The following GRM8 variants were observed in gnomAD, a reference collection of about 807,000 sequenced individuals.
GRM8 encodes metabotropic glutamate receptor 8.
In GRM8, 47 loss-of-function variants were observed where a neutral mutation model predicts 87.2. The observed-to-expected ratio is 0.54, with a 90% confidence interval of 0.43 to 0.69. The LOEUF is 0.69. Ranked by LOEUF, GRM8 falls within the 30% of genes least tolerant of loss-of-function variation. The probability of loss-of-function intolerance (pLI) is 0.00; values close to 1 mark genes in which losing one functional copy is unlikely to be tolerated. For synonymous variants in GRM8, 396 were observed against 404.5 expected, an observed-to-expected ratio of 0.98 and a Z score of 0.25; for missense variants, 1,019 against 1,139.2, an observed-to-expected ratio of 0.89 and a Z score of 1.52.
chr7:127,019,338 T>C (rs1187111549), intron 3 of GRM8, among the ~76,000 whole-genome samples: 1 of 152,068 alleles, frequency 6.6e-6, no homozygotes, highest in Non-Finnish European at 1.5e-5. Flanking sequence ...TGTATATGAC[T>C]CAAGACCATC....
At chr7:126,952,590 G>C (rs1808280332) in intron 3 of GRM8, among the ~76,000 whole-genome samples, 1 of 151,940 alleles carries the variant, frequency 6.6e-6, no homozygotes, top group African/African-American at 2.4e-5. Context: ...CCTTAATCAA[G>C]TGGTCATGAT....
chr7:126,698,323 T>C (rs1190486721), intron 7 of GRM8, among the ~76,000 whole-genome samples: 2 of 152,172 alleles, frequency 1.3e-5, no homozygotes, highest in African/African-American at 4.8e-5. Flanking sequence ...AGGATTGGAA[T>C]ATAATAGAAT....
intron 3 of GRM8, among the ~76,000 whole-genome samples, chr7:127,027,049 A>G (rs1161503499): frequency 2.0e-5 from 3 of 152,216 alleles, no homozygotes; most frequent in Admixed American, 6.5e-5. Flanking sequence ...AGCTTTCTAC[A>G]TATGGCTAGC....
chr7:126,794,564 T>C (rs546485915), intron 6 of GRM8, among the ~76,000 whole-genome samples: 11 of 152,162 alleles, frequency 7.2e-5, no homozygotes, highest in Admixed American at 1.3e-4. Context: ...TTCTAATATA[T>C]AAAAATAGTG....
intron 7 of GRM8, among the ~76,000 whole-genome samples, chr7:126,683,379 G>A (rs1242552654): frequency 1.3e-5 from 2 of 152,206 alleles, no homozygotes; most frequent in African/African-American, 4.8e-5. Flanking sequence ...TGAAGCCTCT[G>A]ATATTTCAAG....
At chr7:127,148,262 A>G (rs1347237624) in intron 2 of GRM8, among the ~76,000 whole-genome samples, 1 of 152,030 alleles carries the variant, frequency 6.6e-6, no homozygotes, top group Non-Finnish European at 1.5e-5. Flanking sequence ...TAAGGGATCA[A>G]TTCATCAAGA....
intron 6 of GRM8, among the ~76,000 whole-genome samples, chr7:126,892,589 A>G (rs989593560): frequency 1.3e-5 from 2 of 152,180 alleles, no homozygotes; most frequent in African/African-American, 2.4e-5. Context: ...TAGTGCCTCA[A>G]TAAACATACA....
At chr7:126,751,238 T>A (rs1816376013) in intron 7 of GRM8, among the ~76,000 whole-genome samples, 1 of 151,998 alleles carries the variant, frequency 6.6e-6, no homozygotes, top group Non-Finnish European at 1.5e-5. Flanking sequence ...TTACTTAACA[T>A]CAATAGTCAA....
chr7:126,508,939 T>C (rs1810906669), intron 9 of GRM8, among the ~76,000 whole-genome samples: 3 of 152,188 alleles, frequency 2.0e-5, no homozygotes, highest in Non-Finnish European at 2.9e-5. Context: ...AACGTAATTA[T>C]AAATGGAGGG....
rs192977517 is a variant in GRM8, at chr7:126,786,105, C to T, written c.1157-16040G>A. On this transcript the variant is annotated intron_variant, in intron 6 of 10. Coordinates refer to ENST00000339582, the MANE Select transcript of GRM8 (RefSeq NM_000845.3). ...GGCAAATAACAACCTCTTTTGCTTT[C>T]ACTGTCTCCATCTGTTGTGAAAGAG... Among the ~76,000 whole-genome samples, 475 of 152,224 alleles carry T rather than the reference C, an allele frequency of 3.1e-3. 3 individuals carry two copies. The highest frequency in any genetic ancestry group is 5.7e-3 in the Non-Finnish European group (389 of 67,996).
At chr7:127,067,701 A>G (rs1586905298) in intron 3 of GRM8, among the ~76,000 whole-genome samples, 2 of 152,226 alleles carry the variant, frequency 1.3e-5, no homozygotes, top group East Asian at 3.8e-4. Context: ...GCAAGAAATT[A>G]AAAGTGTCAT....
At chr7:126,714,979 A>T (rs6467096) in intron 7 of GRM8, among the ~76,000 whole-genome samples, 71,164 of 151,898 alleles carry the variant, frequency 0.47, 17,880 homozygotes, top group African/African-American at 0.65. Context: ...TCAAGGTGAA[A>T]CTTCTATCTG....
At chr7:126,990,148 A>G (rs1812507565) in intron 3 of GRM8, among the ~76,000 whole-genome samples, 4 of 152,156 alleles carry the variant, frequency 2.6e-5, no homozygotes, top group Admixed American at 2.6e-4. Context: ...ATTGCCTCAG[A>G]CACTGTTGTT....
At chr7:127,251,096 C>T (rs1798837900) in intron 1 of GRM8, 1 of 152,220 alleles carries the variant, frequency 6.6e-6, no homozygotes, top group Admixed American at 6.5e-5. Flanking sequence ...ATAAGGCACT[C>T]CCTCCCGGGG....
chr7:126,575,528 T>C (rs1011199696), intron 8 of GRM8, among the ~76,000 whole-genome samples: 1 of 151,912 alleles, frequency 6.6e-6, no homozygotes, highest in South Asian at 2.1e-4. Context: ...ATGAAACCAG[T>C]CCCTGGTCCC....
chr7:126,844,117 T>C (rs1484194908), intron 6 of GRM8, among the ~76,000 whole-genome samples: 20 of 152,194 alleles, frequency 1.3e-4, no homozygotes, highest in Admixed American at 1.3e-3. Flanking sequence ...TGCTTGTCAA[T>C]TGGAATCTAC....
intron 2 of GRM8, among the ~76,000 whole-genome samples, chr7:127,122,428 C>T (rs1335479594): frequency 6.6e-6 from 1 of 151,206 alleles, no homozygotes. Flanking sequence ...CTCCATAATG[C>T]TTTGCTAGAG....
chr7:126,513,707 C>T (rs550335157), intron 9 of GRM8, among the ~76,000 whole-genome samples: 5 of 152,046 alleles, frequency 3.3e-5, no homozygotes, highest in Non-Finnish European at 7.4e-5. Context: ...CAAGTGAAAC[C>T]TGTTTTTTAG....
intron 7 of GRM8, among the ~76,000 whole-genome samples, chr7:126,621,663 C>G (rs1389801100): frequency 1.3e-5 from 2 of 152,066 alleles, no homozygotes; most frequent in African/African-American, 2.4e-5. Context: ...AGGTGATCCA[C>G]CCACCTCTGC....
Sources: gnomAD v4.1 joint callset for allele counts (sites outside exome capture counted in the v4.1 genomes callset) on GRCh38, gnomAD v4.1.1 for gene constraint, MANE v1.5 for transcripts, NCBI Gene and HGNC (gene_info 2026-07-23, HGNC 2026-07-21) for gene names.